The following PGM5 variants were observed in gnomAD, a reference collection of about 807,000 sequenced individuals.
The protein encoded by PGM5 is phosphoglucomutase-like protein 5.
Under a neutral mutation model 59.2 loss-of-function variants are expected in PGM5, and 23 were observed. The ratio of observed to expected loss-of-function variants is 0.39; its 90% CI spans 0.28 to 0.55. The LOEUF (loss-of-function observed/expected upper bound fraction) is 0.55. PGM5 is among the 20% of genes least tolerant of loss of function. The probability of loss-of-function intolerance (pLI) is 0.66; values close to 1 mark genes in which losing one functional copy is unlikely to be tolerated. For missense variants in PGM5, 574 were observed against 748.3 expected (o/e 0.77, Z 2.72); for synonymous variants, 214 against 286.0 (o/e 0.75, Z 2.54).
chr9:68,529,893 G>C lies in PGM5; in HGVS notation c.*237G>C. ...GTCTGTTAAAGCTGCACTATAATTT[G>C]GTATCTACATTTTATCACACAAAGG... On this transcript the variant is annotated 3_prime_UTR_variant, in exon 11 of 11. Transcript: ENST00000396396. 2.6e-6 allele frequency: 1 copy of C among 383,998 alleles called. No homozygotes were observed. The highest frequency in any genetic ancestry group is 5.4e-5 in the East Asian group (1 of 18,516). The allele number at this position is 383,998 out of a possible 1,614,324, so 23.8% of individuals were successfully genotyped here.
At chr9:68,382,651 TA>T (rs1822107343) in intron 2 of PGM5, among the ~76,000 whole-genome samples, 1 of 151,702 alleles carries the variant, frequency 6.6e-6, no homozygotes, top group Non-Finnish European at 1.5e-5. Flanking sequence ...CCGTATCCTT[TA>T]AAAAACAATT....
intron 9 of PGM5, among the ~76,000 whole-genome samples, chr9:68,491,070 A>G (rs1824381324): frequency 6.6e-6 from 1 of 152,224 alleles, no homozygotes; most frequent in South Asian, 2.1e-4. Context: ...AACTTCATCT[A>G]TTCAGTGAGT....
intron 9 of PGM5, 85 bp downstream of exon 9, chr9:68,484,133 G>A: frequency 1.8e-6 from 2 of 1,142,322 alleles, no homozygotes; most frequent in Non-Finnish European, 2.6e-6. Context: ...CCTTAGGGAT[G>A]ATCTAAGGTG....
chr9:68,451,243 C>A (rs551604032), intron 6 of PGM5, among the ~76,000 whole-genome samples: 45 of 152,278 alleles, frequency 3.0e-4, no homozygotes, highest in African/African-American at 1.1e-3. Flanking sequence ...ATCCGCAATG[C>A]CAACACGATT....
chr9:68,432,888 C>T (rs1053211005), intron 6 of PGM5, among the ~76,000 whole-genome samples: 21 of 152,104 alleles, frequency 1.4e-4, no homozygotes, highest in Non-Finnish European at 1.3e-4. Context: ...ATTAAAGGCA[C>T]GAGCCACTGC....
At chr9:68,362,501 C>T (rs1164217423) in intron 1 of PGM5, among the ~76,000 whole-genome samples, 1 of 152,190 alleles carries the variant, frequency 6.6e-6, no homozygotes, top group Non-Finnish European at 1.5e-5. Flanking sequence ...CTATGTCATA[C>T]TATAAAGCAA....
intron 10 of PGM5, among the ~76,000 whole-genome samples, chr9:68,518,886 A>G (rs1157155539): frequency 6.6e-6 from 1 of 152,216 alleles, no homozygotes; most frequent in Non-Finnish European, 1.5e-5. Flanking sequence ...GGAAAAAATG[A>G]TAGGTGAAGA....
At chr9:68,462,881 C>T (rs1277507772) in intron 6 of PGM5, among the ~76,000 whole-genome samples, 1 of 152,126 alleles carries the variant, frequency 6.6e-6, no homozygotes, top group African/African-American at 2.4e-5. Flanking sequence ...CCTTCCATAG[C>T]CTTCTGACCA....
chr9:68,492,181 G>A (rs117369026), intron 9 of PGM5, among the ~76,000 whole-genome samples: 476 of 152,302 alleles, frequency 3.1e-3, no homozygotes, highest in Middle Eastern at 0.01. Flanking sequence ...AAGCTATGCC[G>A]TTGTCTGGGT....
chr9:68,476,986 T>TC (rs1824117409), intron 7 of PGM5, among the ~76,000 whole-genome samples: 1 of 151,736 alleles, frequency 6.6e-6, no homozygotes, highest in Non-Finnish European at 1.5e-5. Context: ...TAAAAGTGAT[T>TC]TTTTTTTTCA....
intron 6 of PGM5, among the ~76,000 whole-genome samples, chr9:68,440,625 T>G (rs782106306): frequency 1.3e-5 from 2 of 152,082 alleles, no homozygotes; most frequent in Non-Finnish European, 2.9e-5. Flanking sequence ...TAAATTAAAT[T>G]AAAATGAAAA....
intron 1 of PGM5, among the ~76,000 whole-genome samples, chr9:68,376,870 TTCTC>T (rs1225279704): frequency 7.2e-6 from 1 of 139,246 alleles, no homozygotes; most frequent in Non-Finnish European, 1.6e-5. Flanking sequence ...TCTTTTTTCT[TTCTC>T]TTTCTTTCTT....
intron 9 of PGM5, among the ~76,000 whole-genome samples, chr9:68,484,881 T>C (rs1330907555): frequency 1.3e-5 from 2 of 152,196 alleles, no homozygotes; most frequent in Admixed American, 6.5e-5. Flanking sequence ...ATAGGTCTTT[T>C]CCAGTTTTGG....
At chr9:68,410,926 G>C (rs142677029) in intron 6 of PGM5, among the ~76,000 whole-genome samples, 5,183 of 152,272 alleles carry the variant, frequency 0.034, 65 homozygotes, top group Non-Finnish European at 0.047. Flanking sequence ...CAAGGAACCA[G>C]GTTCTATCAT....
chr9:68,403,272 C>G (rs1453787900), intron 6 of PGM5, among the ~76,000 whole-genome samples: 2 of 152,160 alleles, frequency 1.3e-5, no homozygotes, highest in African/African-American at 4.8e-5. Flanking sequence ...GTCACTGTCT[C>G]CCATCATCTC....
chr9:68,487,633 A>G (rs1824318906), intron 9 of PGM5, among the ~76,000 whole-genome samples: 1 of 152,142 alleles, frequency 6.6e-6, no homozygotes, highest in African/African-American at 2.4e-5. Context: ...ATCCCAAGGT[A>G]GTGGGAGATT....
intron 4 of PGM5, among the ~76,000 whole-genome samples, chr9:68,390,270 C>T (rs1455965271): frequency 6.6e-6 from 1 of 152,132 alleles, no homozygotes; most frequent in Non-Finnish European, 1.5e-5. Flanking sequence ...CATTATCTGG[C>T]CTACAGGGAA....
intron 6 of PGM5, among the ~76,000 whole-genome samples, chr9:68,432,608 G>A (rs1823372794): frequency 6.6e-6 from 1 of 151,028 alleles, no homozygotes; most frequent in African/African-American, 2.4e-5. Flanking sequence ...ATATTTAAAT[G>A]TACCATTTTT....
chr9:68,485,489 G>A (rs1300331230), intron 9 of PGM5, among the ~76,000 whole-genome samples: 1 of 152,120 alleles, frequency 6.6e-6, no homozygotes, highest in Non-Finnish European at 1.5e-5. Flanking sequence ...TTTATAAAGG[G>A]CACTTCCCCT....
Sources: allele counts gnomAD v4.1 joint callset (sites outside exome capture counted in the v4.1 genomes callset), GRCh38; gene constraint gnomAD v4.1.1; transcripts MANE v1.5; gene names NCBI Gene and HGNC (gene_info 2026-07-23, HGNC 2026-07-21).